NCALD: variants seen among roughly 807,000 people sequenced by gnomAD.
NCALD encodes neurocalcin delta.
Under a neutral mutation model 18.6 loss-of-function variants are expected in NCALD, and 10 were observed. The ratio of observed to expected loss-of-function variants is 0.54; its 90% CI spans 0.33 to 0.91. The LOEUF is 0.91. NCALD is among the 40% of genes least tolerant of loss of function. The probability of loss-of-function intolerance (pLI) is 0.03; values close to 1 mark genes in which losing one functional copy is unlikely to be tolerated. For missense variants in NCALD, 184 were observed against 247.6 expected, an observed-to-expected ratio of 0.74 and a Z score of 1.72; for synonymous variants, 88 against 87.4, an observed-to-expected ratio of 1.01 and a Z score of -0.04.
chr8:101,740,991 A>G (rs2130691713), intron 1 of NCALD, among the ~76,000 whole-genome samples: 1 of 152,366 alleles, frequency 6.6e-6, no homozygotes, highest in Middle Eastern at 3.4e-3. Flanking sequence ...ACTCTGTAGA[A>G]TCAGTGTAAA....
chr8:101,690,594 C>A, intron 3 of NCALD: 1 of 985,438 alleles, frequency 1.0e-6, no homozygotes, highest in Non-Finnish European at 1.2e-6. Flanking sequence ...GAAACACCAA[C>A]AAACATATCT....
intron 2 of NCALD, among the ~76,000 whole-genome samples, chr8:101,981,190 G>C (rs183729210): frequency 5.3e-5 from 8 of 152,186 alleles, no homozygotes; most frequent in African/African-American, 1.9e-4. Flanking sequence ...TGGCCAACCC[G>C]TTGGTTTATT....
At chr8:101,890,414 C>T (rs117074477) in intron 3 of NCALD, among the ~76,000 whole-genome samples, 240 of 152,304 alleles carry the variant, frequency 1.6e-3, no homozygotes, top group Non-Finnish European at 2.5e-3. Context: ...TGTATATTCT[C>T]TAGTGCTATG....
chr8:102,066,725 T>C (rs1824021038), intron 1 of NCALD, among the ~76,000 whole-genome samples: 1 of 152,254 alleles, frequency 6.6e-6, no homozygotes, highest in Non-Finnish European at 1.5e-5. Context: ...TTTTTTGTAC[T>C]CTGGGAAAGC....
At chr8:101,706,172 G>A (rs1197920874) in intron 2 of NCALD, among the ~76,000 whole-genome samples, 2 of 152,182 alleles carry the variant, frequency 1.3e-5, no homozygotes, top group Non-Finnish European at 2.9e-5. Context: ...GACAGTGGCA[G>A]AAGGAATGCA....
chr8:101,704,874 G>T (rs1010628610), intron 2 of NCALD, among the ~76,000 whole-genome samples: 9 of 147,046 alleles, frequency 6.1e-5, no homozygotes, highest in Non-Finnish European at 1.3e-4. Flanking sequence ...AGCTGAGATC[G>T]CGCCATTGCT....
intron 2 of NCALD, among the ~76,000 whole-genome samples, chr8:101,978,803 A>T (rs1333453247): frequency 6.6e-6 from 1 of 152,166 alleles, no homozygotes; most frequent in Non-Finnish European, 1.5e-5. Context: ...TGCTGAGGAG[A>T]GGGAGGAAGA....
In NCALD at chr8:102,096,671, G is replaced by A. The variant is rs114179106; in HGVS notation, c.-210+27566C>T. Among the ~76,000 whole-genome samples, 508 of 152,010 alleles carry A rather than the reference G, an allele frequency of 3.3e-3. 3 individuals are homozygous for A. Among genetic ancestry groups the A allele is most frequent in the African/African-American group, 0.012 (483 of 41,488 alleles). On this transcript the variant is annotated intron_variant, in intron 1 of 6. Coordinates refer to the NCALD transcript ENST00000311028. ...CTGCAACCAATTAGACTGACGGCGG[G>A]CCACCACTTCATTTACATGAGGTGA...
intron 2 of NCALD, among the ~76,000 whole-genome samples, chr8:101,959,699 A>G (rs888088347): frequency 2.0e-5 from 3 of 152,136 alleles, no homozygotes; most frequent in Non-Finnish European, 2.9e-5. Flanking sequence ...TTGGCACAAC[A>G]TGTTGTTGCA....
chr8:101,801,643 CTTTTTTTTTTTTTTTT>C (rs71268530), intron 4 of NCALD, among the ~76,000 whole-genome samples: 63 of 44,164 alleles, frequency 1.4e-3, no homozygotes, highest in East Asian at 6.5e-3. Context: ...AGCACACTTA[CTTTTTTTTTTTTTTTT>C]TTTTTTTTTT....
chr8:101,689,607 A>T lies in NCALD; in HGVS notation c.485-201T>A, dbSNP rs968567796. On this transcript the variant is annotated intron_variant, in intron 3 of 3. Transcript: ENST00000220931. This position sits in a 1 kb window ranked among gnomAD's most constrained non-coding sequence, Gnocchi z 4.4. ...CTGCCTCATTCACCATGGCATTGCC[A>T]GCACTTAGGACAGTACATGTGGCAA... is the stretch of plus-strand genomic sequence containing the variant. 4.6e-5 allele frequency among the ~76,000 whole-genome samples: 7 copies of T among 152,246 alleles called. No homozygotes were observed. The highest frequency in any genetic ancestry group is 1.7e-4 in the African/African-American group (7 of 41,468).
chr8:101,696,883 A>T (rs1815018174), intron 2 of NCALD, among the ~76,000 whole-genome samples: 1 of 152,186 alleles, frequency 6.6e-6, no homozygotes, highest in Non-Finnish European at 1.5e-5. Flanking sequence ...CATCACAATT[A>T]AAAGAGCTAG....
intron 1 of NCALD, among the ~76,000 whole-genome samples, chr8:101,732,421 C>G (rs1816875242): frequency 6.6e-6 from 1 of 152,032 alleles, no homozygotes; most frequent in South Asian, 2.1e-4. Flanking sequence ...CCTCCATAGA[C>G]TCTAAGAATA....
chr8:102,031,328 G>A (rs1413545550), intron 1 of NCALD, among the ~76,000 whole-genome samples: 5 of 152,190 alleles, frequency 3.3e-5, no homozygotes, highest in Non-Finnish European at 7.3e-5. Flanking sequence ...GTATACCAAC[G>A]TTCATTAAAT....
At chr8:101,703,655 GT>G (rs1815377314) in intron 2 of NCALD, among the ~76,000 whole-genome samples, 1 of 152,200 alleles carries the variant, frequency 6.6e-6, no homozygotes, top group African/African-American at 2.4e-5. Flanking sequence ...CCTTGAGAGG[GT>G]TTCCAAGCCA....
intron 2 of NCALD, among the ~76,000 whole-genome samples, chr8:102,000,106 G>T (rs1821394487): frequency 1.3e-5 from 2 of 152,226 alleles, no homozygotes; most frequent in Non-Finnish European, 2.9e-5. Flanking sequence ...CCCAGGAAGT[G>T]CAAGGGGTTG....
At chr8:101,863,325 G>C (rs111909563) in intron 4 of NCALD, among the ~76,000 whole-genome samples, 160 of 152,342 alleles carry the variant, frequency 1.1e-3, no homozygotes, top group African/African-American at 3.8e-3. Context: ...TCTTGGTTCT[G>C]TAATTGCAGG....
intron 1 of NCALD, among the ~76,000 whole-genome samples, chr8:101,784,024 C>T (rs1273360172): frequency 6.6e-6 from 1 of 152,146 alleles, no homozygotes; most frequent in Non-Finnish European, 1.5e-5. Context: ...GAAATTACCC[C>T]CCCACACCCC....
At chr8:102,015,245 G>T (rs1822044281) in intron 2 of NCALD, among the ~76,000 whole-genome samples, 1 of 151,700 alleles carries the variant, frequency 6.6e-6, no homozygotes, top group Non-Finnish European at 1.5e-5. Flanking sequence ...TATCTTGAAG[G>T]TATTTATGGC....
Sources: allele counts gnomAD v4.1 joint callset (sites outside exome capture counted in the v4.1 genomes callset), GRCh38; gene constraint gnomAD v4.1.1; non-coding constraint Gnocchi (gnomAD v3.1); transcripts MANE v1.5; gene names NCBI Gene and HGNC (gene_info 2026-07-23, HGNC 2026-07-21).